Variants in IQSEC1 observed in about 807,000 individuals in gnomAD.
IQSEC1 encodes IQ motif and Sec7 domain ArfGEF 1.
Under a neutral mutation model 91.0 loss-of-function variants are expected in IQSEC1, and 31 were observed. That is an observed-to-expected ratio of 0.34 (90% CI 0.26 to 0.46). IQSEC1 has a LOEUF of 0.46. Ranked by LOEUF, IQSEC1 falls within the 20% of genes least tolerant of loss-of-function variation. The pLI is 1.00. For missense variants in IQSEC1, 1,388 were observed against 1,575.6 expected (o/e 0.88, Z 2.02); for synonymous variants, 699 against 662.6 (o/e 1.05, Z -0.84).
intron 1 of IQSEC1, among the ~76,000 whole-genome samples, chr3:13,019,146 C>T (rs926021550): frequency 2.6e-5 from 4 of 152,262 alleles, no homozygotes; most frequent in Non-Finnish European, 5.9e-5. Flanking sequence ...ATCTCACAAC[C>T]TACCGTTGTG....
chr3:13,198,518 G>A (rs1240329525), intron 1 of IQSEC1, among the ~76,000 whole-genome samples: 1 of 152,062 alleles, frequency 6.6e-6, no homozygotes, highest in Non-Finnish European at 1.5e-5. Flanking sequence ...GGTGATGACC[G>A]CTGGAATGTC....
chr3:13,073,661 C>G (rs903904283), upstream of IQSEC1, among the ~76,000 whole-genome samples: 2 of 152,244 alleles, frequency 1.3e-5, no homozygotes, highest in Non-Finnish European at 2.9e-5. Flanking sequence ...AAAATGCACG[C>G]GCCGCGCGGA....
intron 8 of IQSEC1, 67 bp from the exon 9 acceptor site, chr3:12,913,620 T>C: frequency 6.6e-7 from 1 of 1,526,158 alleles, no homozygotes; most frequent in South Asian, 1.2e-5. Flanking sequence ...GGGGCCGCAG[T>C]GGAGAAGTCT....
At chr3:12,977,207 G>A (rs1299412163) in intron 1 of IQSEC1, among the ~76,000 whole-genome samples, 2 of 152,060 alleles carry the variant, frequency 1.3e-5, no homozygotes, top group Admixed American at 6.5e-5. Flanking sequence ...AATTAGCCGG[G>A]TGTGGTGGCA....
At chr3:13,004,649 G>A (rs1257697821) in intron 1 of IQSEC1, among the ~76,000 whole-genome samples, 1 of 152,182 alleles carries the variant, frequency 6.6e-6, no homozygotes, top group African/African-American at 2.4e-5. Flanking sequence ...GGGCATCTAT[G>A]CAGGGCCACT....
At chr3:13,245,051 G>A (rs958274742) in intron 1 of IQSEC1, among the ~76,000 whole-genome samples, 3 of 152,182 alleles carry the variant, frequency 2.0e-5, no homozygotes, top group Non-Finnish European at 4.4e-5. Context: ...AAACTTGATG[G>A]CTTAAAACAG....
At chr3:12,907,212 AAAT>A (rs1051416678) in intron 12 of IQSEC1, among the ~76,000 whole-genome samples, 5 of 152,082 alleles carry the variant, frequency 3.3e-5, no homozygotes, top group Admixed American at 1.3e-4. Context: ...TTACCATGGC[AAAT>A]AATAATAATA....
intron 1 of IQSEC1, among the ~76,000 whole-genome samples, chr3:13,064,080 A>G (rs1372987921): frequency 6.6e-6 from 1 of 151,856 alleles, no homozygotes; most frequent in East Asian, 1.9e-4. Context: ...TTACAAAACT[A>G]TAGGATCCAT....
At chr3:12,927,293 C>T (rs1454176228) in intron 3 of IQSEC1, among the ~76,000 whole-genome samples, 1 of 152,134 alleles carries the variant, frequency 6.6e-6, no homozygotes, top group Non-Finnish European at 1.5e-5. Context: ...TCTGAAAAAT[C>T]AGACCTTCTG....
In IQSEC1 at chr3:12,983,755, C is replaced by T. The variant is rs563805608; in HGVS notation, c.24-41890G>A. On this transcript the variant is annotated intron_variant, in intron 1 of 13. Coordinates refer to ENST00000613206, the MANE Select transcript of IQSEC1 (RefSeq NM_001134382.3). This position sits in a 1 kb window ranked among gnomAD's most constrained non-coding sequence, Gnocchi z 4.3. Reference sequence around the variant, plus strand: ...CTTTCCCTCTCCCCTCTGGACAGCTCCGTGAGGATAAGAATAAGGTTGTCC... The same window carrying T: ...CTTTCCCTCTCCCCTCTGGACAGCTTCGTGAGGATAAGAATAAGGTTGTCC... 3.9e-5 allele frequency among the ~76,000 whole-genome samples: 6 copies of T among 152,278 alleles called. No homozygotes were observed. The South Asian group carries it at 1.0e-3, about 26-fold the overall frequency.
chr3:13,039,169 A>G (rs1376756912), intron 1 of IQSEC1, among the ~76,000 whole-genome samples: 1 of 152,226 alleles, frequency 6.6e-6, no homozygotes, highest in African/African-American at 2.4e-5. Flanking sequence ...CGCCTCCCAC[A>G]ATGGCCTTTG....
intron 1 of IQSEC1, among the ~76,000 whole-genome samples, chr3:13,009,769 T>C (rs925309826): frequency 1.3e-5 from 2 of 151,218 alleles, no homozygotes; most frequent in African/African-American, 4.9e-5. Context: ...TGACAGTGCG[T>C]TGAGAGCCGG....
intron 1 of IQSEC1, among the ~76,000 whole-genome samples, chr3:12,978,909 A>G (rs1428560901): frequency 2.6e-5 from 4 of 152,174 alleles, no homozygotes; most frequent in Admixed American, 2.6e-4. Context: ...GTGGCCCAGC[A>G]GGATAAAGGC....
At chr3:13,217,300 A>G (rs12637577) in intron 1 of IQSEC1, among the ~76,000 whole-genome samples, 30,499 of 152,108 alleles carry the variant, frequency 0.2, 4,350 homozygotes, top group African/African-American at 0.39. Flanking sequence ...CCCAGCAATC[A>G]CTAATCTACT....
chr3:13,029,458 G>A (rs571242968), intron 1 of IQSEC1, among the ~76,000 whole-genome samples: 31 of 152,306 alleles, frequency 2.0e-4, no homozygotes, highest in South Asian at 8.3e-4. Flanking sequence ...GGCTCTCCTC[G>A]GCTGGCTTGG....
chr3:12,983,730 C>T lies in IQSEC1; in HGVS notation c.24-41865G>A, dbSNP rs1311411894. ...CGATGCTGTTCAGAGGACAATTTCCCTTTCCCTCTCCCCTCTGGACAGCTC... is the reference window on the plus strand; with the variant it reads ...CGATGCTGTTCAGAGGACAATTTCCTTTTCCCTCTCCCCTCTGGACAGCTC... On this transcript the variant is annotated intron_variant, in intron 1 of 13. Coordinates refer to ENST00000613206, the MANE Select transcript of IQSEC1 (RefSeq NM_001134382.3). The surrounding 1 kb of genome is among the most constrained non-coding windows in gnomAD (Gnocchi z 4.3). Among the ~76,000 whole-genome samples the T allele has an allele frequency of 6.6e-6, 1 of 152,214 alleles. No homozygotes were observed. Among genetic ancestry groups the T allele is most frequent in the Non-Finnish European group, 1.5e-5 (1 of 68,036 alleles).
chr3:13,129,949 C>T (rs1022318652), intron 2 of IQSEC1, among the ~76,000 whole-genome samples: 27 of 152,022 alleles, frequency 1.8e-4, no homozygotes, highest in Middle Eastern at 3.4e-3. Flanking sequence ...TGAGCCACCG[C>T]GCCTGGCCAC....
chr3:13,118,393 A>G (rs1479939942), intron 2 of IQSEC1, among the ~76,000 whole-genome samples: 1 of 152,242 alleles, frequency 6.6e-6, no homozygotes, highest in Non-Finnish European at 1.5e-5. Flanking sequence ...ACAGTTGCCA[A>G]ATGGTGAAAA....
chr3:13,220,933 G>A (rs1295648532), intron 1 of IQSEC1, among the ~76,000 whole-genome samples: 2 of 152,236 alleles, frequency 1.3e-5, no homozygotes, highest in East Asian at 3.8e-4. Context: ...AGGCATTAAT[G>A]CCACTTATTT....
Sources: allele counts gnomAD v4.1 joint callset (sites outside exome capture counted in the v4.1 genomes callset), GRCh38; gene constraint gnomAD v4.1.1; non-coding constraint Gnocchi (gnomAD v3.1); transcripts MANE v1.5; gene names NCBI Gene and HGNC (gene_info 2026-07-23, HGNC 2026-07-21).